The following MOGAT2 variants were observed in gnomAD, a reference collection of about 807,000 sequenced individuals.
The protein encoded by MOGAT2 is 2-acylglycerol O-acyltransferase 2.
A neutral mutation model predicts 31.5 loss-of-function variants in MOGAT2; 27 were observed. The observed-to-expected ratio is 0.86, with a 90% confidence interval of 0.63 to 1.18. The LOEUF is 1.18. Among genes scored for constraint, MOGAT2 ranks in the 50% most tolerant of loss-of-function variants. The pLI, the probability that MOGAT2 is intolerant of heterozygous loss-of-function variation, is 0.00. For missense variants in MOGAT2, 436 were observed against 433.2 expected, an observed-to-expected ratio of 1.01 and a Z score of -0.06; for synonymous variants, 163 against 170.0, an observed-to-expected ratio of 0.96 and a Z score of 0.32.
Position 75,731,418 on chromosome 11 carries a change from T to A in MOGAT2, c.*132T>A. The A allele has an allele frequency of 2.8e-6, 3 of 1,078,446 alleles. No homozygotes were observed. The highest frequency in any genetic ancestry group is 3.9e-6 in the Non-Finnish European group (3 of 766,240). 66.8% of individuals were successfully genotyped at this position (1,078,446 alleles called of 1,614,324 possible). Reference sequence around the variant, plus strand: ...TGCAAATCCAACCCATATCAGGCTGTAAGTCAGAGCAGGCAATGCAGAAGA... The same window carrying A: ...TGCAAATCCAACCCATATCAGGCTGAAAGTCAGAGCAGGCAATGCAGAAGA... On this transcript the variant is annotated 3_prime_UTR_variant, in exon 6 of 6. Coordinates refer to ENST00000198801, the MANE Select transcript of MOGAT2 (RefSeq NM_025098.4).
intron 2 of MOGAT2, among the ~76,000 whole-genome samples, chr11:75,726,356 C>T (rs563293689): frequency 6.6e-6 from 1 of 152,308 alleles, no homozygotes; most frequent in East Asian, 1.9e-4. Flanking sequence ...AAGCCTCATT[C>T]CCACATCTGA....
chr11:75,728,802 G>T lies in MOGAT2; in HGVS notation c.663G>T (p.Val221=), dbSNP rs370388480. 6.2e-6 allele frequency: 10 copies of T among 1,614,144 alleles called. No homozygotes were observed. The Admixed American group carries it at 6.7e-5, about 11-fold the overall frequency. Reference sequence around the variant, plus strand: ...TATTTGTCTCCAGGGCACCCCTGGTGCCAATCTTCTCCTTCGGGGAGAATG... The same window carrying T: ...TATTTGTCTCCAGGGCACCCCTGGTTCCAATCTTCTCCTTCGGGGAGAATG... ...RLALTHGAPL[V]PIFSFGENDL... is the part of the protein sequence containing the mutation. The change falls in exon 5 of 6, where the codon GTG becomes GTT. Residue 221 remains valine (V), a synonymous_variant. Coordinates refer to ENST00000198801, the MANE Select transcript of MOGAT2 (RefSeq NM_025098.4).
Position 75,728,329 on chromosome 11 carries a change from C to T in MOGAT2, c.650+185C>T, listed in dbSNP as rs1442415567. ...CCTAGAAAAGTTTCCACAACGGAGA[C>T]TCAGTGATCTAAGAAACTAGGTGGC... On this transcript the variant is annotated intron_variant, in intron 4 of 5. Transcript: ENST00000198801. 5 of 733,016 alleles carry T rather than the reference C, an allele frequency of 6.8e-6. No individual in the cohort carries two copies. The East Asian group carries it at 1.4e-4, about 20-fold the overall frequency. The allele number at this position is 733,016 out of a possible 1,614,324, so 45.4% of individuals were successfully genotyped here.
chr11:75,731,379 C>A lies in MOGAT2; in HGVS notation c.*93C>A, dbSNP rs1183816362. 1.4e-6 allele frequency: 2 copies of A among 1,423,850 alleles called. No homozygotes were observed. Among genetic ancestry groups the A allele is most frequent in the Admixed American group, 4.2e-5 (2 of 47,670 alleles). The allele number at this position is 1,423,850 out of a possible 1,614,324, so 88.2% of individuals were successfully genotyped here. ...GTGTTTGTTGAACATATCTGCAGAG[C>A]CTTCCCAGACTCCTGCAAATCCAAC... is the stretch of plus-strand genomic sequence containing the variant. On this transcript the variant is annotated 3_prime_UTR_variant, in exon 6 of 6. Coordinates refer to ENST00000198801, the MANE Select transcript of MOGAT2 (RefSeq NM_025098.4).
At position 75,717,928 on chromosome 11, in the gene MOGAT2, A is replaced by G. The variant is rs752430542; in HGVS notation, c.40A>G (p.Arg14Gly). 6.2e-7 allele frequency: 1 copy of G among 1,614,226 alleles called. No homozygotes were observed. The highest frequency in any genetic ancestry group is 1.1e-5 in the South Asian group (1 of 91,090). The part of the protein sequence containing the change: ...FAPLFMPWER[R>G]LQTLAVLQFV... ...GCCCTTGTTTATGCCGTGGGAGCGC[A>G]GGCTGCAGACACTTGCTGTCCTACA... The change falls in exon 1 of 6, where the codon AGG becomes GGG. Residue 14 changes from arginine to glycine, a missense_variant. By Grantham distance (125) the Arg-to-Gly change is moderately radical (BLOSUM62 -2). Coordinates refer to ENST00000198801, the MANE Select transcript of MOGAT2 (RefSeq NM_025098.4).
intron 2 of MOGAT2, among the ~76,000 whole-genome samples, chr11:75,726,043 C>G (rs1425763456): frequency 6.6e-6 from 1 of 152,232 alleles, no homozygotes; most frequent in Non-Finnish European, 1.5e-5. Context: ...TGGCCAGGAG[C>G]AGCATTTGTT....
chr11:75,726,925 G>T (rs1311489144), intron 2 of MOGAT2, among the ~76,000 whole-genome samples: 1 of 152,008 alleles, frequency 6.6e-6, no homozygotes, highest in Non-Finnish European at 1.5e-5. Context: ...CCTGACCTCA[G>T]GTCACCCACC....
rs1281086955 is a variant in MOGAT2, at chr11:75,717,948, C to T, written c.60C>T (p.Val20=). Residue 20 remains valine, a synonymous_variant, in exon 1 of 6, where the codon GTC becomes GTT. Coordinates refer to ENST00000198801, the MANE Select transcript of MOGAT2 (RefSeq NM_025098.4). The stretch of plus-strand genomic sequence containing the variant: ...AGCGCAGGCTGCAGACACTTGCTGT[C>T]CTACAGTTTGTCTTCTCCTTCTTGG... ...PWERRLQTLA[V]LQFVFSFLAL... 1 of 1,614,232 alleles carries T rather than the reference C, an allele frequency of 6.2e-7. No homozygotes were observed. Among genetic ancestry groups the T allele is most frequent in the South Asian group, 1.1e-5 (1 of 91,080 alleles).
At chr11:75,726,138 C>G (rs981136859) in intron 2 of MOGAT2, among the ~76,000 whole-genome samples, 1 of 152,202 alleles carries the variant, frequency 6.6e-6, no homozygotes, top group Non-Finnish European at 1.5e-5. Flanking sequence ...CAATCTACAA[C>G]GTCCGTTGGA....
chr11:75,720,191 G>A (rs763617983), intron 2 of MOGAT2, 21 bp downstream of exon 2: 1 of 1,599,412 alleles, frequency 6.3e-7, no homozygotes, highest in Non-Finnish European at 8.5e-7. Context: ...AGGCTGGTTG[G>A]GGTTGGGGAG....
intron 5 of MOGAT2, 137 bp downstream of exon 5, chr11:75,729,126 A>C: frequency 2.6e-6 from 2 of 778,898 alleles, no homozygotes; most frequent in Non-Finnish European, 4.2e-6. Flanking sequence ...ACATACACAC[A>C]CAAGCAGATA....
chr11:75,731,379 C>T lies in MOGAT2; in HGVS notation c.*93C>T, dbSNP rs1183816362. On this transcript the variant is annotated 3_prime_UTR_variant, in exon 6 of 6. Coordinates refer to ENST00000198801, the MANE Select transcript of MOGAT2 (RefSeq NM_025098.4). The stretch of plus-strand genomic sequence containing the variant: ...GTGTTTGTTGAACATATCTGCAGAG[C>T]CTTCCCAGACTCCTGCAAATCCAAC... The T allele has an allele frequency of 2.1e-6, 3 of 1,423,856 alleles. No individual in the cohort carries two copies. Among genetic ancestry groups the T allele is most frequent in the African/African-American group, 1.4e-5 (1 of 69,562 alleles). The allele number at this position is 1,423,856 out of a possible 1,614,324, so 88.2% of individuals were successfully genotyped here. A position where few individuals can be genotyped will look rare whatever the true frequency, so the allele number is the denominator to read the frequency against.
chr11:75,720,260 C>A, intron 2 of MOGAT2, 90 bp downstream of exon 2: 2 of 1,420,224 alleles, frequency 1.4e-6, no homozygotes, highest in Non-Finnish European at 1.9e-6. Context: ...GAGAATATGG[C>A]CCTGCATGCA....
At chr11:75,731,102 T>A in intron 5 of MOGAT2, 30 bp from the exon 6 acceptor site, 2 of 1,607,606 alleles carry the variant, frequency 1.2e-6, no homozygotes, top group Non-Finnish European at 1.7e-6. Flanking sequence ...TTGCCTACCC[T>A]AGGCCACTGC....
In MOGAT2 at chr11:75,731,143, A is replaced by G. The variant is rs137997192; in HGVS notation, c.862A>G (p.Ile288Val). The part of the protein sequence containing the change: ...RPITTVVGKP[I>V]EVQKTLHPSE... ...TCTATGCCTTGCAGTGGGGAAGCCC[A>G]TCGAGGTACAGAAGACGCTGCATCC... Residue 288 changes from isoleucine to valine, a missense_variant, in exon 6 of 6, where the codon ATC (isoleucine) becomes GTC (valine). By Grantham distance (29) the Ile-to-Val change is conservative (BLOSUM62 3). Coordinates refer to ENST00000198801, the MANE Select transcript of MOGAT2 (RefSeq NM_025098.4). 2.5e-5 allele frequency: 41 copies of G among 1,613,912 alleles called. No homozygotes were observed. The African/African-American group carries it at 4.9e-4, about 19-fold the overall frequency.
At chr11:75,725,964 T>A (rs1053363725) in intron 2 of MOGAT2, among the ~76,000 whole-genome samples, 2 of 152,134 alleles carry the variant, frequency 1.3e-5, no homozygotes, top group Non-Finnish European at 2.9e-5. Context: ...CCCCCGCAGT[T>A]CCTTACAATC....
At chr11:75,725,561 T>TAAATAAATAAAC (rs1944414827) in intron 2 of MOGAT2, among the ~76,000 whole-genome samples, 1 of 150,906 alleles carries the variant, frequency 6.6e-6, no homozygotes, top group Non-Finnish European at 1.5e-5. Context: ...AATAAATAAA[T>TAAATAAATAAAC]AAATAAATAA....
chr11:75,719,718 T>C, intron 1 of MOGAT2: 1 of 461,456 alleles, frequency 2.2e-6, no homozygotes, highest in Non-Finnish European at 3.9e-6. Flanking sequence ...TGGAGTGAAT[T>C]AGGCGGCCTG....
chr11:75,722,210 G>A lies in MOGAT2; in HGVS notation c.270+2040G>A, dbSNP rs180813393. Among the ~76,000 whole-genome samples, 732 of 152,312 alleles carry A rather than the reference G, an allele frequency of 4.8e-3. 7 individuals are homozygous for A. Among genetic ancestry groups the A allele is most frequent in the Non-Finnish European group, 8.1e-3 (552 of 68,028 alleles). On this transcript the variant is annotated intron_variant, in intron 2 of 5. Transcript: ENST00000198801. Reference sequence around the variant, plus strand: ...CTGAGTTCTGGGAGCAGTCATGGACGTGTCAGAGGCAGAGTCCTCATCCCC... The same window carrying A: ...CTGAGTTCTGGGAGCAGTCATGGACATGTCAGAGGCAGAGTCCTCATCCCC...
Sources: gnomAD v4.1 joint callset for allele counts (sites outside exome capture counted in the v4.1 genomes callset) on GRCh38, gnomAD v4.1.1 for gene constraint, MANE v1.5 for transcripts, NCBI Gene and HGNC (gene_info 2026-07-23, HGNC 2026-07-21) for gene names.